SAMD4A: variants seen among roughly 807,000 people sequenced by gnomAD.
The protein encoded by SAMD4A is protein Smaug homolog 1.
Under a neutral mutation model 81.3 loss-of-function variants are expected in SAMD4A, and 33 were observed. The observed-to-expected ratio is 0.41, with a 90% CI of 0.31 to 0.54. The LOEUF (loss-of-function observed/expected upper bound fraction) is 0.54, where lower values mean the gene tolerates loss of function less well. Among genes scored for constraint, SAMD4A ranks in the 20% least tolerant of loss-of-function variants. The probability of loss-of-function intolerance (pLI) is 0.37; values close to 1 mark genes in which losing one functional copy is unlikely to be tolerated. For synonymous variants in SAMD4A, 389 were observed against 382.1 expected (o/e 1.02, Z -0.21); for missense variants, 854 against 951.1 (o/e 0.90, Z 1.34).
intron 2 of SAMD4A, among the ~76,000 whole-genome samples, chr14:54,617,520 G>T (rs2034519112): frequency 6.6e-6 from 1 of 152,030 alleles, no homozygotes; most frequent in South Asian, 2.1e-4. Flanking sequence ...TTTTAAGTTG[G>T]CCAGGTCCCT....
At chr14:54,778,503 T>C (rs1230521776) in intron 11 of SAMD4A, among the ~76,000 whole-genome samples, 5 of 152,102 alleles carry the variant, frequency 3.3e-5, no homozygotes, top group Admixed American at 1.3e-4. Flanking sequence ...ACTGTCTCTC[T>C]CCCCTCCCCT....
chr14:54,774,836 TG>T, intron 9 of SAMD4A, 97 bp from the exon 10 acceptor site: 2 of 893,984 alleles, frequency 2.2e-6, no homozygotes, highest in African/African-American at 2.1e-5. Flanking sequence ...AAAAAAAAAA[TG>T]AGGAGACCTC....
At chr14:54,763,712 C>T (rs2038464304) in intron 7 of SAMD4A, among the ~76,000 whole-genome samples, 1 of 152,198 alleles carries the variant, frequency 6.6e-6, no homozygotes, top group Non-Finnish European at 1.5e-5. Flanking sequence ...CCCATCTCCA[C>T]TGTGGCCCTG....
intron 2 of SAMD4A, among the ~76,000 whole-genome samples, chr14:54,696,242 T>C (rs1418607711): frequency 6.6e-6 from 1 of 152,212 alleles, no homozygotes; most frequent in Non-Finnish European, 1.5e-5. Context: ...GCCCTGATTT[T>C]TCAGGTGCCC....
chr14:54,706,293 A>AAAT (rs2036852973), intron 3 of SAMD4A, among the ~76,000 whole-genome samples: 1 of 135,542 alleles, frequency 7.4e-6, no homozygotes, highest in Non-Finnish European at 1.6e-5. Flanking sequence ...AAAAAAAAAA[A>AAAT]AAAGAAGAAG....
chr14:54,711,860 G>GA (rs570012588), intron 3 of SAMD4A, among the ~76,000 whole-genome samples: 53 of 152,154 alleles, frequency 3.5e-4, no homozygotes, highest in African/African-American at 1.2e-3. Context: ...TCTGCTACGG[G>GA]AAAAAAACCT....
intron 2 of SAMD4A, among the ~76,000 whole-genome samples, chr14:54,651,987 G>A (rs2035414931): frequency 6.6e-6 from 1 of 152,222 alleles, no homozygotes; most frequent in Non-Finnish European, 1.5e-5. Context: ...CCAAGGGAGG[G>A]TTTAGAAGAT....
chr14:54,593,459 A>T (rs2033834750), intron 2 of SAMD4A, among the ~76,000 whole-genome samples: 1 of 152,190 alleles, frequency 6.6e-6, no homozygotes, highest in Admixed American at 6.5e-5. Context: ...AGGTTTTTCT[A>T]TTCATTTTTT....
chr14:54,769,356 G>C (rs1460026282), intron 8 of SAMD4A, among the ~76,000 whole-genome samples: 1 of 152,130 alleles, frequency 6.6e-6, no homozygotes. Context: ...TTCCTGCCTT[G>C]GAGACTCCTA....
intron 2 of SAMD4A, among the ~76,000 whole-genome samples, chr14:54,614,031 C>A (rs1025232648): frequency 6.6e-6 from 1 of 152,336 alleles, no homozygotes; most frequent in Middle Eastern, 3.4e-3. Flanking sequence ...TATTGAAATA[C>A]TGCTTCCTTT....
At chr14:54,658,385 C>A (rs780468222) in intron 2 of SAMD4A, among the ~76,000 whole-genome samples, 1 of 152,136 alleles carries the variant, frequency 6.6e-6, no homozygotes, top group Non-Finnish European at 1.5e-5. Flanking sequence ...ACCACCCAGA[C>A]CTCCTCACAC....
intron 3 of SAMD4A, chr14:54,704,013 A>G (rs2036788618): frequency 6.6e-6 from 1 of 152,262 alleles, no homozygotes; most frequent in Non-Finnish European, 1.5e-5. Context: ...ACAGTACCTC[A>G]GTGGAATAAC....
chr14:54,610,210 G>T (rs1327159163), intron 2 of SAMD4A, among the ~76,000 whole-genome samples: 3 of 152,140 alleles, frequency 2.0e-5, no homozygotes, highest in Non-Finnish European at 4.4e-5. Context: ...TTCCAAACAA[G>T]CGAGGGCTCA....
chr14:54,781,872 C>T (rs780856105), intron 11 of SAMD4A, among the ~76,000 whole-genome samples: 2 of 152,166 alleles, frequency 1.3e-5, no homozygotes, highest in Admixed American at 6.5e-5. Flanking sequence ...ATACGTGCGG[C>T]GAGATGGCAT....
intron 2 of SAMD4A, chr14:54,693,416 G>C (rs998497223): frequency 2.6e-5 from 4 of 152,208 alleles, no homozygotes; most frequent in Non-Finnish European, 5.9e-5. Context: ...GCCATAATTA[G>C]CTGGGCGCAG....
In SAMD4A at chr14:54,751,510, A is replaced by G; in HGVS notation, c.1149A>G (p.Arg383=). ...IVISIQKLKE[R]QNLLKSLERD... is the part of the protein sequence containing the mutation. Reference sequence around the variant, plus strand: ...TCAGTATTCAGAAGCTCAAAGAAAGACAAAATCTCCTGAAGTCTTTGGAAA... The same window carrying G: ...TCAGTATTCAGAAGCTCAAAGAAAGGCAAAATCTCCTGAAGTCTTTGGAAA... The change falls in exon 6 of 13, where the codon AGA becomes AGG. Residue 383 remains arginine, a synonymous_variant. Coordinates refer to ENST00000554335, the MANE Select transcript of SAMD4A (RefSeq NM_015589.6). The G allele has an allele frequency of 1.9e-6, 3 of 1,608,630 alleles. No homozygotes were observed. Among genetic ancestry groups the G allele is most frequent in the Non-Finnish European group, 2.6e-6 (3 of 1,176,192 alleles).
chr14:54,775,741 CA>C (rs1243950163), intron 10 of SAMD4A, among the ~76,000 whole-genome samples: 13 of 152,046 alleles, frequency 8.6e-5, no homozygotes, highest in Admixed American at 8.5e-4. Flanking sequence ...GGATTAGGAT[CA>C]GAGGGACACA....
chr14:54,785,887 A>G (rs932367721), intron 12 of SAMD4A, among the ~76,000 whole-genome samples: 2 of 152,182 alleles, frequency 1.3e-5, no homozygotes, highest in African/African-American at 2.4e-5. Context: ...TGGTGGGAAG[A>G]CACAGCCCCT....
intron 3 of SAMD4A, among the ~76,000 whole-genome samples, chr14:54,709,516 G>T (rs78251992): frequency 3.3e-5 from 5 of 152,098 alleles, no homozygotes; most frequent in Non-Finnish European, 5.9e-5. Context: ...TAAGGGAAGA[G>T]TGGGTTGGGA....
Sources: gnomAD v4.1 joint callset for allele counts (sites outside exome capture counted in the v4.1 genomes callset) on GRCh38, gnomAD v4.1.1 for gene constraint, MANE v1.5 for transcripts, NCBI Gene and HGNC (gene_info 2026-07-23, HGNC 2026-07-21) for gene names.